Variants in SHOX observed in about 807,000 individuals in gnomAD.
The protein encoded by SHOX is SHOX homeobox, also known as short stature homeobox protein.
A neutral mutation model predicts 29.6 loss-of-function variants in SHOX; 12 were observed. The ratio of observed to expected loss-of-function variants is 0.41; its 90% CI spans 0.26 to 0.66. The LOEUF is 0.66. Ranked by LOEUF, SHOX falls within the 30% of genes least tolerant of loss-of-function variation. The pLI is 0.35. For synonymous variants in SHOX, 214 were observed against 200.6 expected (o/e 1.07, Z -0.57); for missense variants, 499 against 437.7 (o/e 1.14, Z -1.25).
chrX:634,638 A>C lies in SHOX; in HGVS notation c.298A>C (p.Lys100Gln). Reference protein sequence around the residue: ...VAEGIYECKEKREDVKSEDED... With the variant: ...VAEGIYECKEQREDVKSEDED... ...CGCAGGGATTTATGAATGCAAAGAG[A>C]AGCGCGAGGACGTGAAGTCGGAGGA... Residue 100 changes from lysine (K) to glutamine (Q), a missense_variant, in exon 2 of 5, where the codon AAG (lysine) becomes CAG (glutamine). Lys to Gln is a moderately conservative substitution (Grantham distance 53). Transcript: ENST00000686671. 6.2e-7 allele frequency: 1 copy of C among 1,613,808 alleles called. No individual in the cohort carries two copies. The highest frequency in any genetic ancestry group is 8.5e-7 in the Non-Finnish European group (1 of 1,179,856).
chrX:627,874 G>A (rs1223931519), upstream of SHOX, among the ~76,000 whole-genome samples: 1 of 152,158 alleles, frequency 6.6e-6, no homozygotes, highest in Non-Finnish European at 1.5e-5. Context: ...AGGACGGAGG[G>A]TTTTCGGTAG....
chrX:628,517 C>G (rs1285937710), upstream of SHOX, among the ~76,000 whole-genome samples: 1 of 94,644 alleles, frequency 1.1e-5, no homozygotes, highest in African/African-American at 4.0e-5. Flanking sequence ...CTCTCCCTGT[C>G]TGTTTCTCTC....
In SHOX at chrX:625,359, C is replaced by A. The variant is rs773536108; in HGVS notation, c.-433+757C>A. Among the ~76,000 whole-genome samples the A allele has an allele frequency of 2.0e-5, 3 of 151,934 alleles. No homozygotes were observed. The South Asian group carries it at 6.3e-4, about 32-fold the overall frequency. Reference sequence around the variant, plus strand: ...TCTCTGAAACCTGATTCTTTTGGGACGCTTGGCAAAAGGCATTTCATACAG... The same window carrying A: ...TCTCTGAAACCTGATTCTTTTGGGAAGCTTGGCAAAAGGCATTTCATACAG... On this transcript the variant is annotated intron_variant, in intron 1 of 5. Coordinates refer to the SHOX transcript ENST00000334060.
At chrX:658,471 CTTT>C (rs777890718) in intron 5 of SHOX, among the ~76,000 whole-genome samples, 109 of 134,408 alleles carry the variant, frequency 8.1e-4, no homozygotes, top group African/African-American at 1.4e-3. Flanking sequence ...AAAAAGAACT[CTTT>C]TTTTTTTTTT....
At chrX:640,614 CA>C (rs986657075) in intron 2 of SHOX, among the ~76,000 whole-genome samples, 1 of 151,954 alleles carries the variant, frequency 6.6e-6, no homozygotes, top group Non-Finnish European at 1.5e-5. Flanking sequence ...ACAAAAAATC[CA>C]AAAAAACCCC....
intron 4 of SHOX, among the ~76,000 whole-genome samples, chrX:643,988 C>T (rs1449660265): frequency 1.5e-5 from 1 of 67,354 alleles, no homozygotes; most frequent in Non-Finnish European, 3.3e-5. Context: ...CCTTGGTGAC[C>T]TGGGGACCCG....
rs1569493126 is a variant in SHOX, at chrX:630,957, C to A, written c.60C>A (p.Asn20Lys). The A allele has an allele frequency of 2.5e-6, 4 of 1,613,812 alleles. No homozygotes were observed. The highest frequency in any genetic ancestry group is 1.7e-4 in the Middle Eastern group (1 of 6,054). ...KSFDQKSKDG[N>K]GGGGGGGGKK... is the part of the protein sequence containing the mutation. ...TTGACCAGAAAAGCAAGGACGGTAACGGCGGAGGCGGAGGCGGCGGAGGTA... is the reference window on the plus strand; with the variant it reads ...TTGACCAGAAAAGCAAGGACGGTAAAGGCGGAGGCGGAGGCGGCGGAGGTA... Residue 20 changes from asparagine (N) to lysine (K), a missense_variant, in exon 1 of 5, where the codon AAC becomes AAA. Transcript: ENST00000686671.
chrX:653,112 GTA>G, downstream of SHOX, among the ~76,000 whole-genome samples: 1 of 152,116 alleles, frequency 6.6e-6, no homozygotes, highest in Non-Finnish European at 1.5e-5. Context: ...GTGGTGGTGT[GTA>G]TCTGTAATCC....
Position 648,513 on chromosome X carries a change from G to T in SHOX, c.*3877G>T, listed in dbSNP as rs1195404642. Reference sequence around the variant, plus strand: ...CAAAGTGCTGGGATTACAGGCGTGAGCCACCGCACCTGGCCTGAATCTGAA... The same window carrying T: ...CAAAGTGCTGGGATTACAGGCGTGATCCACCGCACCTGGCCTGAATCTGAA... On this transcript the variant is annotated 3_prime_UTR_variant, in exon 5 of 5. Coordinates refer to ENST00000686671, the MANE Select transcript of SHOX (RefSeq NM_000451.4). 6.6e-6 allele frequency among the ~76,000 whole-genome samples: 1 copy of T among 152,210 alleles called. No individual in the cohort carries two copies. The highest frequency in any genetic ancestry group is 2.4e-5 in the African/African-American group (1 of 41,452).
Position 651,177 on chromosome X carries a change from G to T in SHOX, c.*6541G>T. On this transcript the variant is annotated 3_prime_UTR_variant, in exon 5 of 5. Transcript: ENST00000686671. ...TTATGTCGAGTGTAAATTTGACATC[G>T]CGTTGCATTTATTTTTATATTTCTG... 1 of 406,452 alleles carries T rather than the reference G, an allele frequency of 2.5e-6. No individual in the cohort carries two copies. Among genetic ancestry groups the T allele is most frequent in the African/African-American group, 2.1e-5 (1 of 48,194 alleles). The allele number at this position is 406,452 out of a possible 1,614,324, so 25.2% of individuals were successfully genotyped here. A position where few individuals can be genotyped will look rare whatever the true frequency, so the allele number is the denominator to read the frequency against.
At chrX:644,254 G>A in intron 4 of SHOX, 137 bp from the exon 5 acceptor site, 1 of 1,127,454 alleles carries the variant, frequency 8.9e-7, no homozygotes. Flanking sequence ...GCGGGTGTGG[G>A]GTGGTCTCCA....
In SHOX at chrX:648,426, T is replaced by C. The variant is rs28618680; in HGVS notation, c.*3790T>C. Among the ~76,000 whole-genome samples the C allele has an allele frequency of 0.76, 115,903 of 151,764 alleles. 44,988 individuals are homozygous for C. The highest frequency in any genetic ancestry group is 0.9 in the African/African-American group (37,271 of 41,468). On this transcript the variant is annotated 3_prime_UTR_variant, in exon 5 of 5. Coordinates refer to ENST00000686671, the MANE Select transcript of SHOX (RefSeq NM_000451.4). The stretch of plus-strand genomic sequence containing the variant: ...ATTTTTGGTAGAGACAGGTTTTTGC[T>C]GTGTTGGCCCGGCTGGTCTCAAACT...
At chrX:628,457 C>A (rs1397481646), upstream of SHOX, among the ~76,000 whole-genome samples, 1 of 135,928 alleles carries the variant, frequency 7.4e-6, no homozygotes, top group African/African-American at 2.8e-5. Flanking sequence ...TTCTCTCTCT[C>A]CATCTCTCTC....
At chrX:655,594 CTCTCTCTCTCTCTCTCTCTCTATA>C (rs1391806102), downstream of SHOX, among the ~76,000 whole-genome samples, 3 of 61,556 alleles carry the variant, frequency 4.9e-5, no homozygotes, top group Non-Finnish European at 8.9e-5. Flanking sequence ...CTCTCTCTCT[CTCTCTCTCTCTCTCTCTCTCTATA>C]TATATATATA....
rs2124154821 is a variant in SHOX at position 631,147 on chromosome X, G to T, written c.250G>T (p.Glu84Ter). 6.2e-7 allele frequency: 1 copy of T among 1,613,290 alleles called. No individual in the cohort carries two copies. Among genetic ancestry groups the T allele is most frequent in the Non-Finnish European group, 8.5e-7 (1 of 1,179,860 alleles). Residue 84 changes from glutamate to a stop codon, truncating the protein, a stop_gained, in exon 1 of 5, where the codon GAA becomes TAA. Transcript: ENST00000686671. LOFTEE classifies it high-confidence loss of function. Reference protein sequence around the residue: ...HVDNDKEKLKEFGTARVAEGI... With the variant: ...HVDNDKEKLK ...AGACAATGACAAGGAGAAACTGAAA[G>T]AATTCGGCACCGCGAGAGTGGCAGA... is the stretch of plus-strand genomic sequence containing the variant.
intron 2 of SHOX, among the ~76,000 whole-genome samples, chrX:635,246 C>T (rs1270806679): frequency 1.3e-5 from 2 of 152,006 alleles, no homozygotes; most frequent in African/African-American, 2.4e-5. Flanking sequence ...CTGGATTATA[C>T]TTAGGAGACG....
At chrX:637,221 C>T (rs1477344550) in intron 2 of SHOX, among the ~76,000 whole-genome samples, 1 of 151,902 alleles carries the variant, frequency 6.6e-6, no homozygotes, top group African/African-American at 2.4e-5. Flanking sequence ...GTCCACCCCT[C>T]TGGCAGAAGA....
chrX:634,963 G>A (rs2124166938), intron 2 of SHOX, 137 bp downstream of exon 2: 2 of 919,306 alleles, frequency 2.2e-6, no homozygotes, highest in Non-Finnish European at 3.2e-6. Context: ...GTGAGGGACG[G>A]GCTGGGGTTC....
chrX:631,189 G>T lies in SHOX; in HGVS notation c.277+15G>T, dbSNP rs763304906. On this transcript the variant is annotated intron_variant, in intron 1 of 4. Transcript: ENST00000686671. Reference sequence around the variant, plus strand: ...AGTGGCAGAAGGTAAGTTCCTTTGCGCTCCGGCTCCAGGGGGGCCCTCCTG... The same window carrying T: ...AGTGGCAGAAGGTAAGTTCCTTTGCTCTCCGGCTCCAGGGGGGCCCTCCTG... 1 of 1,612,266 alleles carries T rather than the reference G, an allele frequency of 6.2e-7. No individual in the cohort carries two copies. Among genetic ancestry groups the T allele is most frequent in the Admixed American group, 1.7e-5 (1 of 60,012 alleles).
Sources: gnomAD v4.1 joint callset for allele counts (sites outside exome capture counted in the v4.1 genomes callset) on GRCh38, gnomAD v4.1.1 for gene constraint, MANE v1.5 for transcripts, NCBI Gene and HGNC (gene_info 2026-07-23, HGNC 2026-07-21) for gene names.